ADARB2: variants seen among roughly 807,000 people sequenced by gnomAD.
ADARB2 encodes the protein inactive double-stranded RNA-specific editase B2.
Under a neutral mutation model 62.2 loss-of-function variants are expected in ADARB2, and 25 were observed. That is an observed-to-expected ratio of 0.40 (90% CI 0.29 to 0.56). ADARB2 has a LOEUF of 0.56. Ranked by LOEUF, ADARB2 falls within the 20% of genes least tolerant of loss-of-function variation. The pLI, the probability that ADARB2 is intolerant of heterozygous loss-of-function variation, is 0.43. For missense variants in ADARB2, 1,071 were observed against 1,077.4 expected (o/e 0.99, Z 0.08); for synonymous variants, 572 against 500.8 (o/e 1.14, Z -1.90).
intron 4 of ADARB2, among the ~76,000 whole-genome samples, chr10:1,253,528 CCATT>C (rs2131784878): frequency 6.6e-6 from 1 of 152,314 alleles, no homozygotes; most frequent in African/African-American, 2.4e-5. Context: ...GTTTATCCAT[CCATT>C]CATTCAGTGG....
intron 1 of ADARB2, among the ~76,000 whole-genome samples, chr10:1,684,445 T>C (rs1235402844): frequency 2.0e-5 from 3 of 152,210 alleles, no homozygotes; most frequent in Non-Finnish European, 4.4e-5. Flanking sequence ...CACACATATA[T>C]ATTCTCTATA....
chr10:1,453,848 TG>T (rs1479128634), intron 1 of ADARB2, among the ~76,000 whole-genome samples: 1 of 152,086 alleles, frequency 6.6e-6, no homozygotes, highest in Non-Finnish European at 1.5e-5. Context: ...AGTGAGAATG[TG>T]GGAAAAAATG....
At chr10:1,332,485 T>TTG (rs1554754783) in intron 3 of ADARB2, among the ~76,000 whole-genome samples, 4 of 144,202 alleles carry the variant, frequency 2.8e-5, no homozygotes, top group East Asian at 2.4e-4. Context: ...AGTTTTGTTT[T>TTG]TTTTTTTTTT....
rs535311623 is a variant in ADARB2, at chr10:1,493,837, C to A, written c.101-114677G>T. 2.1e-5 allele frequency among the ~76,000 whole-genome samples: 3 copies of A among 141,140 alleles called. No individual in the cohort carries two copies. In the East Asian group the frequency reaches 6.5e-4, roughly 31 times the overall value. The allele number at this position is 141,140 out of a possible 152,430, so 92.6% of individuals were successfully genotyped here. ...GCAATGGCACGATCTCAGCTCACTG[C>A]AACCTCCGCCTCCTGGGTTGAAGCG... On this transcript the variant is annotated intron_variant, in intron 1 of 9. Transcript: ENST00000381312.
At chr10:1,305,653 A>G (rs1831619990) in intron 3 of ADARB2, among the ~76,000 whole-genome samples, 2 of 151,674 alleles carry the variant, frequency 1.3e-5, no homozygotes, top group Non-Finnish European at 3.0e-5. Context: ...AAAATCCTCA[A>G]TAAAATACTG....
intron 1 of ADARB2, among the ~76,000 whole-genome samples, chr10:1,430,560 A>C (rs1276626318): frequency 6.6e-6 from 1 of 152,204 alleles, no homozygotes. Flanking sequence ...ATGGGAAAAG[A>C]TATACTGTAT....
At chr10:1,641,129 G>T (rs994432416) in intron 1 of ADARB2, among the ~76,000 whole-genome samples, 3 of 152,168 alleles carry the variant, frequency 2.0e-5, no homozygotes, top group Non-Finnish European at 2.9e-5. Context: ...ATCTGTAATG[G>T]ATATGAACAC....
At chr10:1,466,499 G>A (rs2131913504) in intron 1 of ADARB2, among the ~76,000 whole-genome samples, 1 of 152,266 alleles carries the variant, frequency 6.6e-6, no homozygotes, top group Admixed American at 6.5e-5. Flanking sequence ...CACACATGGT[G>A]GGGGATGAAA....
chr10:1,608,601 A>C (rs1171519557), intron 1 of ADARB2, among the ~76,000 whole-genome samples: 1 of 150,470 alleles, frequency 6.6e-6, no homozygotes, highest in African/African-American at 2.5e-5. Context: ...AAAAGGAATG[A>C]GGAAGGAAGA....
Position 1,477,532 on chromosome 10 carries a change from C to A in ADARB2, c.101-98372G>T, listed in dbSNP as rs570931443. 6.6e-6 allele frequency among the ~76,000 whole-genome samples: 1 copy of A among 152,198 alleles called. No individual in the cohort carries two copies. Among genetic ancestry groups the A allele is most frequent in the African/African-American group, 2.4e-5 (1 of 41,450 alleles). ...CTAATAAATCTGCCTTCTTTACCCA[C>A]GACTGTCTTGGTAAATTCTTTTACC... On this transcript the variant is annotated intron_variant, in intron 1 of 9. Coordinates refer to ENST00000381312, the MANE Select transcript of ADARB2 (RefSeq NM_018702.4). The surrounding 1 kb of genome is among the most constrained non-coding windows in gnomAD (Gnocchi z 4.5).
intron 1 of ADARB2, among the ~76,000 whole-genome samples, chr10:1,726,596 C>G (rs907464325): frequency 6.6e-6 from 1 of 152,116 alleles, no homozygotes; most frequent in Admixed American, 6.5e-5. Flanking sequence ...TGGTCACGAA[C>G]GAGGCCATGC....
At chr10:1,479,669 ACATGTAACTGGTTT>A (rs1246350715) in intron 1 of ADARB2, among the ~76,000 whole-genome samples, 1 of 152,208 alleles carries the variant, frequency 6.6e-6, no homozygotes, top group Non-Finnish European at 1.5e-5. Context: ...GGCGGCTCCA[ACATGTAACTGGTTT>A]CCACCAATAA....
At chr10:1,468,946 T>C (rs2813414) in intron 1 of ADARB2, among the ~76,000 whole-genome samples, 149,069 of 152,310 alleles carry the variant, frequency 0.98, 73,035 homozygotes, top group East Asian at 1. Flanking sequence ...CACTGCAGCT[T>C]AGAACGTCGG....
chr10:1,638,851 G>A (rs1419790135), intron 1 of ADARB2, among the ~76,000 whole-genome samples: 3 of 152,334 alleles, frequency 2.0e-5, no homozygotes, highest in South Asian at 2.1e-4. Flanking sequence ...GCTTAAAATG[G>A]TGTGTCGGGG....
In ADARB2 at chr10:1,286,936, A is replaced by G. The variant is rs1344149973; in HGVS notation, c.1078-15867T>C. 2.0e-5 allele frequency among the ~76,000 whole-genome samples: 3 copies of G among 152,198 alleles called. No homozygotes were observed. In the East Asian group the frequency reaches 5.8e-4, roughly 29 times the overall value. On this transcript the variant is annotated intron_variant, in intron 3 of 9. Transcript: ENST00000381312. Reference sequence around the variant, plus strand: ...GCCATTATCATCCAACTGTGTGCAAACATAACATTTTTTTAGAAAAAATAC... The same window carrying G: ...GCCATTATCATCCAACTGTGTGCAAGCATAACATTTTTTTAGAAAAAATAC...
chr10:1,463,689 A>C (rs1001170067), intron 1 of ADARB2, among the ~76,000 whole-genome samples: 1 of 152,258 alleles, frequency 6.6e-6, no homozygotes, highest in Admixed American at 6.5e-5. Flanking sequence ...CAACTTAAAT[A>C]GTTTGGGCCT....
intron 1 of ADARB2, among the ~76,000 whole-genome samples, chr10:1,403,051 G>T (rs866631558): frequency 6.6e-6 from 1 of 152,206 alleles, no homozygotes; most frequent in Non-Finnish European, 1.5e-5. Flanking sequence ...TGCGCCTGGA[G>T]CTCTGCTGGG....
At chr10:1,342,954 C>G (rs1421251827) in intron 3 of ADARB2, among the ~76,000 whole-genome samples, 1 of 152,180 alleles carries the variant, frequency 6.6e-6, no homozygotes, top group Non-Finnish European at 1.5e-5. Flanking sequence ...AATGTTGGAA[C>G]TTCAACTTAA....
At chr10:1,670,107 T>C (rs1834365314) in intron 1 of ADARB2, among the ~76,000 whole-genome samples, 1 of 152,232 alleles carries the variant, frequency 6.6e-6, no homozygotes, top group Non-Finnish European at 1.5e-5. Context: ...ACATAGCCTC[T>C]GTGGAACCCT....
Sources: allele counts gnomAD v4.1 joint callset (sites outside exome capture counted in the v4.1 genomes callset), GRCh38; gene constraint gnomAD v4.1.1; non-coding constraint Gnocchi (gnomAD v3.1); transcripts MANE v1.5; gene names NCBI Gene and HGNC (gene_info 2026-07-23, HGNC 2026-07-21).